Variants in TCF7L1 observed in about 807,000 individuals in gnomAD.
TCF7L1 encodes transcription factor 7 like 1.
In TCF7L1, 18 loss-of-function variants were observed where a neutral mutation model predicts 63.7. The observed-to-expected ratio is 0.28, with a 90% CI of 0.20 to 0.42. The LOEUF is 0.42. Among genes scored for constraint, TCF7L1 ranks in the 10% least tolerant of loss-of-function variants. TCF7L1 has a pLI of 1.00. For missense variants in TCF7L1, 654 were observed against 779.3 expected (o/e 0.84, Z 1.91); for synonymous variants, 355 against 340.9 (o/e 1.04, Z -0.46).
chr2:85,255,212 C>T (rs559566670), intron 3 of TCF7L1, among the ~76,000 whole-genome samples: 4 of 152,218 alleles, frequency 2.6e-5, no homozygotes, highest in Non-Finnish European at 5.9e-5. Context: ...CTAATGCATG[C>T]GATTGTTCAC....
intron 3 of TCF7L1, among the ~76,000 whole-genome samples, chr2:85,157,604 C>T (rs1317559184): frequency 6.6e-6 from 1 of 152,238 alleles, no homozygotes; most frequent in Non-Finnish European, 1.5e-5. Flanking sequence ...AGATGCTGAA[C>T]TGGGGACCCA....
rs371864629 is a variant in TCF7L1 at position 85,143,416 on chromosome 2, C to A, written c.441+8966C>A. Among the ~76,000 whole-genome samples the A allele has an allele frequency of 2.8e-4, 43 of 152,268 alleles. 2 individuals are homozygous for A. Among genetic ancestry groups the A allele is most frequent in the African/African-American group, 1.0e-3 (42 of 41,564 alleles). ...TGGCAAATATGAGGTAAAATGGCTG[C>A]TCCGGCTGCTCTTTTTGGCTGGTCT... On this transcript the variant is annotated intron_variant, in intron 3 of 11. Coordinates refer to ENST00000282111, the MANE Select transcript of TCF7L1 (RefSeq NM_031283.3).
chr2:85,284,033 C>T (rs960360922), intron 4 of TCF7L1, among the ~76,000 whole-genome samples: 10 of 152,060 alleles, frequency 6.6e-5, no homozygotes, highest in East Asian at 1.9e-4. Context: ...TTTTTTGAGA[C>T]GGAGTCTCGC....
chr2:85,308,951 G>A (rs540128688), intron 11 of TCF7L1, 78 bp from the exon 12 acceptor site: 76 of 1,476,574 alleles, frequency 5.1e-5, no homozygotes, highest in Non-Finnish European at 6.7e-5. Context: ...CAAAGCACAT[G>A]TATCGCCAGG....
chr2:85,148,175 G>C (rs767543269), intron 3 of TCF7L1, among the ~76,000 whole-genome samples: 1 of 152,154 alleles, frequency 6.6e-6, no homozygotes, highest in Non-Finnish European at 1.5e-5. Flanking sequence ...TCTTCACAAG[G>C]GTGTTCCCAG....
chr2:85,192,270 T>C (rs1324497318), intron 3 of TCF7L1, among the ~76,000 whole-genome samples: 1 of 152,234 alleles, frequency 6.6e-6, no homozygotes. Context: ...CTTGAGCAAA[T>C]CAGTCAGCTA....
At chr2:85,194,413 C>T (rs963362349) in intron 3 of TCF7L1, among the ~76,000 whole-genome samples, 1 of 152,138 alleles carries the variant, frequency 6.6e-6, no homozygotes, top group African/African-American at 2.4e-5. Flanking sequence ...CCTGTAATCC[C>T]AGCTACTTGG....
chr2:85,222,843 T>C (rs559302725), intron 3 of TCF7L1, among the ~76,000 whole-genome samples: 71 of 152,262 alleles, frequency 4.7e-4, no homozygotes, highest in African/African-American at 1.7e-3. Flanking sequence ...AAACATTTTT[T>C]AGGATTTTAA....
intron 3 of TCF7L1, among the ~76,000 whole-genome samples, chr2:85,261,588 G>A (rs1362069064): frequency 1.3e-5 from 2 of 152,208 alleles, no homozygotes; most frequent in Non-Finnish European, 2.9e-5. Context: ...AGTTGAAGTA[G>A]ATGTTGTCAA....
intron 4 of TCF7L1, among the ~76,000 whole-genome samples, chr2:85,285,990 G>A (rs1206683885): frequency 6.6e-6 from 1 of 152,050 alleles, no homozygotes; most frequent in Admixed American, 6.6e-5. Flanking sequence ...TCGAGAGTTC[G>A]AGACCAGCCT....
chr2:85,265,191 G>A (rs1239941706), intron 3 of TCF7L1, among the ~76,000 whole-genome samples: 1 of 152,040 alleles, frequency 6.6e-6, no homozygotes, highest in East Asian at 1.9e-4. Flanking sequence ...ATCTTTGAAA[G>A]AGAAGCCCAA....
At chr2:85,206,713 T>C (rs1291851761) in intron 3 of TCF7L1, among the ~76,000 whole-genome samples, 1 of 152,178 alleles carries the variant, frequency 6.6e-6, no homozygotes, top group East Asian at 1.9e-4. Context: ...GTGCTGGAAG[T>C]CCAGAGATAA....
intron 3 of TCF7L1, among the ~76,000 whole-genome samples, chr2:85,279,818 T>C (rs1301620313): frequency 2.0e-5 from 3 of 152,168 alleles, no homozygotes; most frequent in African/African-American, 7.2e-5. Context: ...GGTGAGATGC[T>C]CACTGTTCCC....
chr2:85,213,571 T>C (rs1679622106), intron 3 of TCF7L1: 1 of 152,060 alleles, frequency 6.6e-6, no homozygotes, highest in Non-Finnish European at 1.5e-5. Flanking sequence ...CTTGGAAGTG[T>C]CCCATGTCAT....
At chr2:85,230,570 G>T (rs889848077) in intron 3 of TCF7L1, among the ~76,000 whole-genome samples, 1 of 152,086 alleles carries the variant, frequency 6.6e-6, no homozygotes, top group South Asian at 2.1e-4. Context: ...CCTGACCTCA[G>T]GTTATCCACT....
At chr2:85,305,177 C>CA in intron 7 of TCF7L1, 83 bp from the exon 8 acceptor site, 1 of 1,590,636 alleles carries the variant, frequency 6.3e-7, no homozygotes, top group Non-Finnish European at 8.6e-7. Flanking sequence ...GCCCTTAAGG[C>CA]AGAGAGCCAC....
intron 3 of TCF7L1, among the ~76,000 whole-genome samples, chr2:85,224,138 A>G (rs573581882): frequency 2.0e-5 from 3 of 152,336 alleles, no homozygotes; most frequent in South Asian, 4.1e-4. Context: ...TTATAGCTGC[A>G]TAGTATTCCA....
At chr2:85,162,730 G>A (rs1436292422) in intron 3 of TCF7L1, among the ~76,000 whole-genome samples, 1 of 152,150 alleles carries the variant, frequency 6.6e-6, no homozygotes, top group Non-Finnish European at 1.5e-5. Context: ...CCCGTTTTGT[G>A]TAGCAGCTGT....
chr2:85,286,948 AC>A (rs1681575522), intron 4 of TCF7L1, among the ~76,000 whole-genome samples: 1 of 152,232 alleles, frequency 6.6e-6, no homozygotes, highest in Non-Finnish European at 1.5e-5. Flanking sequence ...GAACAAAAAA[AC>A]AAAACTAACA....
Sources: allele counts gnomAD v4.1 joint callset (sites outside exome capture counted in the v4.1 genomes callset), GRCh38; gene constraint gnomAD v4.1.1; transcripts MANE v1.5; gene names NCBI Gene and HGNC (gene_info 2026-07-23, HGNC 2026-07-21).